PCDHGB5: variants seen among roughly 807,000 people sequenced by gnomAD.
PCDHGB5 encodes protocadherin gamma subfamily B, 5, also known as protocadherin gamma-B5.
A neutral mutation model predicts 62.9 loss-of-function variants in PCDHGB5; 48 were observed. That is an observed-to-expected ratio of 0.76 (90% CI 0.61 to 0.97). The LOEUF (loss-of-function observed/expected upper bound fraction) is 0.97, where lower values mean the gene tolerates loss of function less well. Ranked by LOEUF, PCDHGB5 falls within the 50% of genes least tolerant of loss-of-function variation. PCDHGB5 has a pLI of 0.00. For missense variants in PCDHGB5, 1,118 were observed against 1,198.6 expected (o/e 0.93, Z 0.99); for synonymous variants, 474 against 511.2 (o/e 0.93, Z 0.98).
intron 1 of PCDHGB5, chr5:141,405,103 G>T (rs368202826): frequency 3.1e-6 from 5 of 1,613,804 alleles, no homozygotes; most frequent in Non-Finnish European, 4.2e-6. Flanking sequence ...TCAGGCTGAG[G>T]CACTGGCACT....
At chr5:141,508,830 C>G (rs1320903059) in intron 3 of PCDHGB5, among the ~76,000 whole-genome samples, 2 of 152,150 alleles carry the variant, frequency 1.3e-5, no homozygotes, top group Non-Finnish European at 2.9e-5. Flanking sequence ...CTGGGCCCCC[C>G]TCCCCTACCC....
At position 141,399,361 on chromosome 5, in the gene PCDHGB5, C is replaced by T. The variant is rs375619778; in HGVS notation, c.1234C>T (p.Pro412Ser). 7.2e-5 allele frequency: 117 copies of T among 1,613,842 alleles called. No individual in the cohort carries two copies. Among genetic ancestry groups the T allele is most frequent in the Non-Finnish European group, 9.7e-5 (115 of 1,179,910 alleles). ...TDGTLDREQT[P>S]EYNVTITATD... ...TGGAACCCTAGACCGAGAGCAAACC[C>T]CGGAGTACAATGTCACCATCACAGC... Residue 412 changes from proline (P) to serine (S), a missense_variant, in exon 1 of 4, where the codon CCG (proline) becomes TCG (serine). Pro to Ser is a moderately conservative substitution (Grantham distance 74). Transcript: ENST00000617380.
chr5:141,414,667 G>C, intron 1 of PCDHGB5: 1 of 1,614,002 alleles, frequency 6.2e-7, no homozygotes, highest in Non-Finnish European at 8.5e-7. Flanking sequence ...CCTGGCTGAA[G>C]ACACCATCCA....
Position 141,490,350 on chromosome 5 carries a change from G to T in PCDHGB5, c.2398-4457G>T. On this transcript the variant is annotated intron_variant, in intron 1 of 3. Transcript: ENST00000617380. This position sits in a 1 kb window ranked among gnomAD's most constrained non-coding sequence, Gnocchi z 5.4. Reference sequence around the variant, plus strand: ...GCACACCAGTGGGCACAGTAGTGGGGTTGTTTAATGTGCGAGACCGGGACT... The same window carrying T: ...GCACACCAGTGGGCACAGTAGTGGGTTTGTTTAATGTGCGAGACCGGGACT... 2 of 1,614,204 alleles carry T rather than the reference G, an allele frequency of 1.2e-6. No homozygotes were observed. The highest frequency in any genetic ancestry group is 1.7e-6 in the Non-Finnish European group (2 of 1,180,034).
chr5:141,428,587 G>C (rs914718913), intron 1 of PCDHGB5: 6 of 226,650 alleles, frequency 2.6e-5, no homozygotes, highest in Non-Finnish European at 5.3e-5. Flanking sequence ...AGTTTCTCTG[G>C]TAGCAAGCTT....
At position 141,511,456 on chromosome 5, in the gene PCDHGB5, C is replaced by A. The variant is rs900802210; in HGVS notation, c.*283C>A. ...TACTGTAGACACCAAGAACCATTTG[C>A]CACACCCCGTTTAGTTACAGCTGAA... On this transcript the variant is annotated 3_prime_UTR_variant, in exon 4 of 4. Transcript: ENST00000617380. 3.4e-6 allele frequency: 2 copies of A among 585,210 alleles called. No homozygotes were observed. The highest frequency in any genetic ancestry group is 5.7e-6 in the Non-Finnish European group (2 of 351,786). 36.3% of individuals were successfully genotyped at this position (585,210 alleles called of 1,614,324 possible).
Position 141,431,758 on chromosome 5 carries a change from C to T in PCDHGB5, c.2397+31234C>T. Reference sequence around the variant, plus strand: ...CAGGATATTCTGCGCGAGCCAAAGTCCTGATCACTGTTCTGGACGTGAACG... The same window carrying T: ...CAGGATATTCTGCGCGAGCCAAAGTTCTGATCACTGTTCTGGACGTGAACG... On this transcript the variant is annotated intron_variant, in intron 1 of 3. Transcript: ENST00000617380. This position sits in a 1 kb window ranked among gnomAD's most constrained non-coding sequence, Gnocchi z 4.8. 1.9e-6 allele frequency: 3 copies of T among 1,614,172 alleles called. No homozygotes were observed. The highest frequency in any genetic ancestry group is 1.7e-6 in the Non-Finnish European group (2 of 1,180,020).
At position 141,398,032 on chromosome 5, in the gene PCDHGB5, C is replaced by A; in HGVS notation, c.-96C>A. On this transcript the variant is annotated 5_prime_UTR_variant, in exon 1 of 4. Transcript: ENST00000617380. The stretch of plus-strand genomic sequence containing the variant: ...ATCGTTTCCTAAACTGGAACTGGAA[C>A]TAAAGCCCGTTCGGAGATCCAAAAA... 1 of 1,469,940 alleles carries A rather than the reference C, an allele frequency of 6.8e-7. No homozygotes were observed. Among genetic ancestry groups the A allele is most frequent in the South Asian group, 1.4e-5 (1 of 72,176 alleles). The allele number at this position is 1,469,940 out of a possible 1,614,324, so 91.1% of individuals were successfully genotyped here. A position where few individuals can be genotyped will look rare whatever the true frequency, so the allele number is the denominator to read the frequency against.
rs2099622509 is a variant in PCDHGB5 at position 141,485,988 on chromosome 5, G to T, written c.2398-8819G>T. On this transcript the variant is annotated intron_variant, in intron 1 of 3. Coordinates refer to ENST00000617380, the MANE Select transcript of PCDHGB5 (RefSeq NM_018925.3). The surrounding 1 kb of genome is among the most constrained non-coding windows in gnomAD (Gnocchi z 5.7). The stretch of plus-strand genomic sequence containing the variant: ...CTCAATGCCTCAGACCCGGACCTGG[G>T]TCCCAGTGGTAACGTCACCTTTTAT... 16 of 1,614,188 alleles carry T rather than the reference G, an allele frequency of 9.9e-6. No homozygotes were observed. The highest frequency in any genetic ancestry group is 1.4e-5 in the Non-Finnish European group (16 of 1,180,038).
intron 1 of PCDHGB5, among the ~76,000 whole-genome samples, chr5:141,481,710 T>C (rs1447483213): frequency 6.6e-6 from 1 of 151,556 alleles, no homozygotes; most frequent in Non-Finnish European, 1.5e-5. Context: ...TCCCAGCACT[T>C]TGGGAGGCGG....
intron 1 of PCDHGB5, chr5:141,441,629 G>T: frequency 4.5e-6 from 1 of 224,156 alleles, no homozygotes; most frequent in Non-Finnish European, 9.0e-6. Flanking sequence ...GTGACCTGGA[G>T]CCACAGGCGC....
Position 141,489,980 on chromosome 5 carries a change from T to G in PCDHGB5, c.2398-4827T>G, listed in dbSNP as rs2099694325. 1.2e-6 allele frequency: 2 copies of G among 1,614,204 alleles called. No individual in the cohort carries two copies. The highest frequency in any genetic ancestry group is 1.7e-6 in the Non-Finnish European group (2 of 1,180,012). On this transcript the variant is annotated intron_variant, in intron 1 of 3. Transcript: ENST00000617380. This position sits in a 1 kb window ranked among gnomAD's most constrained non-coding sequence, Gnocchi z 4.5. ...GCTCCAACCTTCCAATCCTCAGTTC[T>G]ACGTGTGGGAATCCCAGAGAATGCA...
chr5:141,421,400 G>A (rs2096569762), intron 1 of PCDHGB5: 1 of 1,614,060 alleles, frequency 6.2e-7, no homozygotes, highest in Non-Finnish European at 8.5e-7. Context: ...CTGGAGCCCC[G>A]GGAGCTGGCG....
rs1354360582 is a variant in PCDHGB5 at position 141,491,147 on chromosome 5, A to T, written c.2398-3660A>T. On this transcript the variant is annotated intron_variant, in intron 1 of 3. Transcript: ENST00000617380. The surrounding 1 kb of genome is among the most constrained non-coding windows in gnomAD (Gnocchi z 6.9). ...GTGCGCACAGCCCGGGCCTTACTGG[A>T]GGATGACTCTGACACCCAGCAGGTG... The T allele has an allele frequency of 1.9e-6, 3 of 1,613,980 alleles. No homozygotes were observed. The highest frequency in any genetic ancestry group is 2.5e-6 in the Non-Finnish European group (3 of 1,179,994).
At chr5:141,450,829 A>ATTTTT (rs373424450) in intron 1 of PCDHGB5, among the ~76,000 whole-genome samples, 3 of 135,122 alleles carry the variant, frequency 2.2e-5, no homozygotes, top group Admixed American at 7.6e-5. Flanking sequence ...TATTATTATT[A>ATTTTT]TTTTTTTTTT....
chr5:141,491,414 G>C lies in PCDHGB5; in HGVS notation c.2398-3393G>C, dbSNP rs137987971. 35 of 1,614,008 alleles carry C rather than the reference G, an allele frequency of 2.2e-5. No homozygotes were observed. Among genetic ancestry groups the C allele is most frequent in the African/African-American group, 1.3e-4 (10 of 74,910 alleles). On this transcript the variant is annotated intron_variant, in intron 1 of 3. Coordinates refer to ENST00000617380, the MANE Select transcript of PCDHGB5 (RefSeq NM_018925.3). The surrounding 1 kb of genome is among the most constrained non-coding windows in gnomAD (Gnocchi z 6.9). ...CTTCAGGGAAACGCAGACGGGGACG[G>C]GGGTGGAGGGCAGTGCTGCAGGCGC...
chr5:141,450,846 A>C (rs2098698903), intron 1 of PCDHGB5, among the ~76,000 whole-genome samples: 1 of 115,730 alleles, frequency 8.6e-6, no homozygotes. Context: ...TTTTTTTGAG[A>C]TGGGGTCTTG....
intron 1 of PCDHGB5, chr5:141,478,533 C>G: frequency 6.2e-7 from 1 of 1,608,070 alleles, no homozygotes; most frequent in African/African-American, 1.3e-5. Context: ...GCAGAGAGCG[C>G]CCCTCCCGGA....
intron 1 of PCDHGB5, chr5:141,441,751 A>G (rs946329290): frequency 5.3e-6 from 2 of 378,094 alleles, no homozygotes; most frequent in African/African-American, 2.2e-5. Flanking sequence ...CTCGGCGTCA[A>G]CGTGAGCCTG....
Sources: allele counts gnomAD v4.1 joint callset (sites outside exome capture counted in the v4.1 genomes callset), GRCh38; gene constraint gnomAD v4.1.1; non-coding constraint Gnocchi (gnomAD v3.1); transcripts MANE v1.5; gene names NCBI Gene and HGNC (gene_info 2026-07-23, HGNC 2026-07-21).